Variants in HNRNPLL observed in about 807,000 individuals in gnomAD.
The protein encoded by HNRNPLL is heterogeneous nuclear ribonucleoprotein L like.
Under a neutral mutation model 67.1 loss-of-function variants are expected in HNRNPLL, and 25 were observed. The observed-to-expected ratio is 0.37, with a 90% CI of 0.27 to 0.52. The LOEUF is 0.52. HNRNPLL is among the 20% of genes least tolerant of loss of function. The pLI is 0.90. For missense variants in HNRNPLL, 542 were observed against 673.9 expected (o/e 0.80, Z 2.17); for synonymous variants, 267 against 241.7 (o/e 1.10, Z -0.97).
intron 7 of HNRNPLL, 48 bp downstream of exon 7, chr2:38,577,413 A>T (rs772093722): frequency 8.9e-7 from 1 of 1,128,590 alleles, no homozygotes; most frequent in Non-Finnish European, 1.4e-6. Flanking sequence ...AAATGCAGCA[A>T]GTCAAACAGT....
intron 9 of HNRNPLL, 144 bp from the exon 10 acceptor site, chr2:38,569,478 T>C (rs903034754): frequency 9.8e-6 from 6 of 614,640 alleles, no homozygotes; most frequent in African/African-American, 3.7e-5. Context: ...AGGATTTAGT[T>C]TGGGTTATAA....
At chr2:38,585,514 A>G (rs3213851) in intron 3 of HNRNPLL, 130 bp downstream of exon 3, 15,552 of 616,328 alleles carry the variant, frequency 0.025, 430 homozygotes, top group East Asian at 0.13. Context: ...AAACTTGTTA[A>G]GATTAATTTT....
At chr2:38,590,491 A>G (rs1666912941) in intron 2 of HNRNPLL, among the ~76,000 whole-genome samples, 1 of 152,242 alleles carries the variant, frequency 6.6e-6, no homozygotes, top group Admixed American at 6.5e-5. Flanking sequence ...AGGAAAAATA[A>G]TAAAATCAAC....
chr2:38,582,139 G>C lies in HNRNPLL; in HGVS notation c.662C>G (p.Ala221Gly), dbSNP rs1253605677. Residue 221 changes from alanine to glycine, a missense_variant, in exon 5 of 13, where the codon GCT (alanine) becomes GGT (glycine). Transcript: ENST00000449105. ...ATCAGCTCCATTGAGTGCTGCTTTAGCTTTCTGGGCACAAAGGACTGATTC... is the reference window on the plus strand; with the variant it reads ...ATCAGCTCCATTGAGTGCTGCTTTACCTTTCTGGGCACAAAGGACTGATTC... ...EFESVLCAQK[A>G]KAALNGADIY... The C allele has an allele frequency of 1.2e-6, 2 of 1,613,934 alleles. No individual in the cohort carries two copies. Among genetic ancestry groups the C allele is most frequent in the Non-Finnish European group, 1.7e-6 (2 of 1,179,860 alleles).
chr2:38,581,857 G>T, intron 6 of HNRNPLL, 56 bp downstream of exon 6: 2 of 1,075,098 alleles, frequency 1.9e-6, no homozygotes, highest in Non-Finnish European at 1.4e-6. Flanking sequence ...GAATCTAACT[G>T]CATATAAAAA....
Position 38,583,885 on chromosome 2 carries a change from T to C in HNRNPLL, c.588A>G (p.Gln196=), listed in dbSNP as rs959331651. The part of the protein sequence containing the change: ...YTVCNPVGKV[Q]RIVIFKRNGI... ...CATTTCTCTTGAATATAACAATACGTTGCACTTTGCCAACAGGGTTGCATA... is the reference window on the plus strand; with the variant it reads ...CATTTCTCTTGAATATAACAATACGCTGCACTTTGCCAACAGGGTTGCATA... Residue 196 remains glutamine (Q), a synonymous_variant, in exon 4 of 13, where the codon CAA becomes CAG. Transcript: ENST00000449105. 5 of 1,575,510 alleles carry C rather than the reference T, an allele frequency of 3.2e-6. No homozygotes were observed. The highest frequency in any genetic ancestry group is 1.7e-5 in the Admixed American group (1 of 58,116).
chr2:38,567,847 G>A (rs1665929917), intron 12 of HNRNPLL, among the ~76,000 whole-genome samples: 1 of 152,188 alleles, frequency 6.6e-6, no homozygotes, highest in South Asian at 2.1e-4. Context: ...GCGCCTGGGG[G>A]TGGATCTTCT....
chr2:38,587,507 T>G (rs150381355), intron 2 of HNRNPLL, among the ~76,000 whole-genome samples: 46 of 152,278 alleles, frequency 3.0e-4, no homozygotes, highest in African/African-American at 1.1e-3. Context: ...AAACAAGGCG[T>G]TGAATTTAAA....
intron 2 of HNRNPLL, among the ~76,000 whole-genome samples, chr2:38,587,446 G>A (rs1365377138): frequency 6.6e-6 from 1 of 151,988 alleles, no homozygotes; most frequent in African/African-American, 2.4e-5. Flanking sequence ...GTTAATCTAG[G>A]GGACTTATTA....
intron 1 of HNRNPLL, among the ~76,000 whole-genome samples, chr2:38,595,293 AAAAAG>A (rs1558546753): frequency 1.4e-5 from 2 of 147,828 alleles, no homozygotes; most frequent in African/African-American, 2.5e-5. Context: ...AAAAAAAAAA[AAAAAG>A]AAAAGAAAAA....
Position 38,569,061 on chromosome 2 carries a change from A to C in HNRNPLL, c.1416+72T>G, listed in dbSNP as rs143870458. On this transcript the variant is annotated intron_variant, in intron 10 of 12. Transcript: ENST00000449105. ...GCAAAAGAATGAGCAAAACGACTTC[A>C]AAATGAAGCTAAAACAGATTTTAAA... 3.8e-4 allele frequency: 422 copies of C among 1,108,060 alleles called. 1 individual carries two copies. In the African/African-American group the frequency reaches 6.1e-3, roughly 16 times the overall value. 68.6% of individuals were successfully genotyped at this position (1,108,060 alleles called of 1,614,324 possible).
At chr2:38,588,991 C>A (rs1321577870) in intron 2 of HNRNPLL, among the ~76,000 whole-genome samples, 1 of 152,146 alleles carries the variant, frequency 6.6e-6, no homozygotes, top group Non-Finnish European at 1.5e-5. Context: ...TAAATAAAAA[C>A]ATAGGAGAAG....
intron 8 of HNRNPLL, among the ~76,000 whole-genome samples, chr2:38,571,844 A>G (rs1168643563): frequency 6.6e-6 from 1 of 152,202 alleles, no homozygotes; most frequent in Non-Finnish European, 1.5e-5. Context: ...GACTAGAATT[A>G]GTCAAATAAC....
At chr2:38,586,011 C>G in intron 2 of HNRNPLL, 130 bp from the exon 3 acceptor site, 1 of 678,474 alleles carries the variant, frequency 1.5e-6, no homozygotes, top group Non-Finnish European at 2.6e-6. Context: ...CTACCTGTGT[C>G]CAACGTAAGT....
intron 4 of HNRNPLL, 95 bp from the exon 5 acceptor site, chr2:38,582,263 T>C: frequency 2.5e-6 from 2 of 811,420 alleles, no homozygotes; most frequent in Non-Finnish European, 4.2e-6. Context: ...GAAGTAGCTC[T>C]TTTACTTCTG....
intron 7 of HNRNPLL, among the ~76,000 whole-genome samples, chr2:38,577,204 C>A (rs556227585): frequency 6.6e-6 from 1 of 151,938 alleles, no homozygotes; most frequent in Non-Finnish European, 1.5e-5. Context: ...AAATCAAAAC[C>A]AAACCAAAAT....
intron 2 of HNRNPLL, among the ~76,000 whole-genome samples, chr2:38,588,528 C>T (rs1666821541): frequency 1.0e-5 from 1 of 97,532 alleles, no homozygotes; most frequent in African/African-American, 4.7e-5. Flanking sequence ...GCTTGGGTGA[C>T]AGAGTGAAAC....
chr2:38,580,565 CTT>C (rs1337525100), intron 6 of HNRNPLL, among the ~76,000 whole-genome samples: 1 of 152,156 alleles, frequency 6.6e-6, no homozygotes, highest in Non-Finnish European at 1.5e-5. Context: ...TAGTTACTGA[CTT>C]TTACAGACAT....
At chr2:38,590,994 G>C (rs1400050291) in intron 2 of HNRNPLL, among the ~76,000 whole-genome samples, 1 of 152,126 alleles carries the variant, frequency 6.6e-6, no homozygotes, top group East Asian at 1.9e-4. Flanking sequence ...AACAGAGAGA[G>C]ACCCTGTCTC....
Sources: gnomAD v4.1 joint callset for allele counts (sites outside exome capture counted in the v4.1 genomes callset) on GRCh38, gnomAD v4.1.1 for gene constraint, MANE v1.5 for transcripts, NCBI Gene and HGNC (gene_info 2026-07-23, HGNC 2026-07-21) for gene names.